Variants in CCDC181 observed in about 807,000 individuals in gnomAD.
The protein encoded by CCDC181 is coiled-coil domain-containing protein 181.
A neutral mutation model predicts 58.7 loss-of-function variants in CCDC181; 35 were observed. The ratio of observed to expected loss-of-function variants is 0.60; its 90% CI spans 0.46 to 0.79. The LOEUF (loss-of-function observed/expected upper bound fraction) is 0.79. CCDC181 is among the 30% of genes least tolerant of loss of function. The probability of loss-of-function intolerance (pLI) is 0.00; values close to 1 mark genes in which losing one functional copy is unlikely to be tolerated. For missense variants in CCDC181, 517 were observed against 583.9 expected (o/e 0.89, Z 1.18); for synonymous variants, 183 against 197.5 (o/e 0.93, Z 0.62).
At chr1:169,400,982 C>T (rs530451336) in intron 4 of CCDC181, among the ~76,000 whole-genome samples, 21 of 152,304 alleles carry the variant, frequency 1.4e-4, no homozygotes, top group East Asian at 1.4e-3. Context: ...TCTTAGCAAA[C>T]GGCACATCAG....
chr1:169,459,833 A>G (rs1046990012), exon 2 of CCDC181: 1 of 150,736 alleles, frequency 6.6e-6, no homozygotes, highest in Non-Finnish European at 1.5e-5. Context: ...ACCCTCCCAG[A>G]ACATCAGAAG....
chr1:169,438,975 TC>T (rs1183150606), intron 2 of CCDC181, among the ~76,000 whole-genome samples: 2 of 152,120 alleles, frequency 1.3e-5, no homozygotes, highest in African/African-American at 4.8e-5. Flanking sequence ...ATCTGAGAAA[TC>T]TCCCTGAAAT....
rs571002000 is a variant in CCDC181, at chr1:169,420,959, AT to A, written c.1068+403del. On this transcript the variant is annotated intron_variant, in intron 3 of 5. Coordinates refer to ENST00000367806, the MANE Select transcript of CCDC181 (RefSeq NM_001300969.2). Reference sequence around the variant, plus strand: ...ACATGAAACACATGCAAATAAAAGAATTATAGTCCAAGTCTTCCTGTTGCCT... The same window carrying A: ...ACATGAAACACATGCAAATAAAAGAATATAGTCCAAGTCTTCCTGTTGCCT... 3.3e-5 allele frequency among the ~76,000 whole-genome samples: 5 copies of A among 152,346 alleles called. No homozygotes were observed. In the South Asian group the frequency reaches 1.0e-3, roughly 32 times the overall value.
intron 2 of CCDC181, among the ~76,000 whole-genome samples, chr1:169,436,643 T>C (rs1262706420): frequency 6.6e-6 from 1 of 152,214 alleles, no homozygotes; most frequent in African/African-American, 2.4e-5. Context: ...AATTGCAATA[T>C]CGTACAATCA....
At chr1:169,407,238 G>A (rs927827254) in intron 4 of CCDC181, among the ~76,000 whole-genome samples, 5 of 151,978 alleles carry the variant, frequency 3.3e-5, no homozygotes, top group Admixed American at 2.6e-4. Flanking sequence ...AGAAGCCAGA[G>A]GAAAAAGATT....
At chr1:169,416,815 C>G (rs1557867357) in intron 4 of CCDC181, among the ~76,000 whole-genome samples, 1 of 152,066 alleles carries the variant, frequency 6.6e-6, no homozygotes, top group Admixed American at 6.5e-5. Flanking sequence ...TGTGAAAGTA[C>G]TGCCCATCCC....
At chr1:169,447,579 C>T (rs1657411412) in intron 2 of CCDC181, among the ~76,000 whole-genome samples, 3 of 152,140 alleles carry the variant, frequency 2.0e-5, no homozygotes, top group Admixed American at 6.5e-5. Flanking sequence ...TCAACTATAT[C>T]CTTACTGACT....
At chr1:169,403,060 C>CA (rs1329737166) in intron 4 of CCDC181, among the ~76,000 whole-genome samples, 4 of 150,288 alleles carry the variant, frequency 2.7e-5, no homozygotes, top group Admixed American at 6.6e-5. Context: ...TCAAAAGATA[C>CA]AAAAAAGGCC....
intron 2 of CCDC181, among the ~76,000 whole-genome samples, chr1:169,432,816 A>G (rs1269240900): frequency 6.6e-6 from 1 of 152,164 alleles, no homozygotes; most frequent in Non-Finnish European, 1.5e-5. Context: ...AAAAACAAAC[A>G]GACTAGGAAT....
At chr1:169,446,558 A>G (rs970295023) in intron 2 of CCDC181, among the ~76,000 whole-genome samples, 3 of 152,214 alleles carry the variant, frequency 2.0e-5, no homozygotes, top group African/African-American at 7.2e-5. Flanking sequence ...ATCCCTCCAT[A>G]TACCCATGGG....
At chr1:169,423,079 T>TA (rs377436139) in intron 2 of CCDC181, among the ~76,000 whole-genome samples, 36,645 of 146,764 alleles carry the variant, frequency 0.25, 4,902 homozygotes, top group Admixed American at 0.33. Context: ...ATATATATAT[T>TA]TTTTCTCTTT....
chr1:169,406,170 G>A (rs1655644240), intron 4 of CCDC181, among the ~76,000 whole-genome samples: 1 of 152,186 alleles, frequency 6.6e-6, no homozygotes, highest in Non-Finnish European at 1.5e-5. Context: ...AGGATGTGGA[G>A]AAATAGGAAC....
At chr1:169,405,632 C>T (rs1655605771) in intron 4 of CCDC181, among the ~76,000 whole-genome samples, 1 of 152,208 alleles carries the variant, frequency 6.6e-6, no homozygotes, top group Admixed American at 6.5e-5. Flanking sequence ...GGATTCCTTC[C>T]TTACGCCTTA....
chr1:169,432,505 A>G (rs1240904431), intron 2 of CCDC181, among the ~76,000 whole-genome samples: 1 of 152,184 alleles, frequency 6.6e-6, no homozygotes, highest in East Asian at 1.9e-4. Context: ...TACTCCAAGT[A>G]GTATGAATTC....
intron 4 of CCDC181, among the ~76,000 whole-genome samples, chr1:169,397,939 GA>G (rs1655138624): frequency 6.6e-6 from 1 of 152,166 alleles, no homozygotes; most frequent in Non-Finnish European, 1.5e-5. Context: ...TAAGCTTTGT[GA>G]TTGAGCTTAT....
At chr1:169,436,407 C>G (rs747150632) in intron 2 of CCDC181, among the ~76,000 whole-genome samples, 3 of 151,998 alleles carry the variant, frequency 2.0e-5, no homozygotes, top group Non-Finnish European at 4.4e-5. Flanking sequence ...TATGCCATAC[C>G]CCATCTTGCT....
chr1:169,403,088 T>G (rs6427187), intron 4 of CCDC181, among the ~76,000 whole-genome samples: 101,487 of 151,634 alleles, frequency 0.67, 34,152 homozygotes, highest in East Asian at 0.93. Context: ...AATGATGGGG[T>G]ATCAATCCAA....
At chr1:169,446,641 A>G (rs1447270755) in intron 2 of CCDC181, among the ~76,000 whole-genome samples, 1 of 152,214 alleles carries the variant, frequency 6.6e-6, no homozygotes, top group African/African-American at 2.4e-5. Flanking sequence ...AAATAATACA[A>G]ATTAAATACC....
At chr1:169,396,712 G>A (rs1655054510) in intron 5 of CCDC181, among the ~76,000 whole-genome samples, 1 of 152,132 alleles carries the variant, frequency 6.6e-6, no homozygotes. Context: ...GCAATGCAGT[G>A]TCTTACCCAA....
Sources: allele counts gnomAD v4.1 joint callset (sites outside exome capture counted in the v4.1 genomes callset), GRCh38; gene constraint gnomAD v4.1.1; transcripts MANE v1.5; gene names NCBI Gene and HGNC (gene_info 2026-07-23, HGNC 2026-07-21).